The following CCDC158 variants were observed in gnomAD, a reference collection of about 807,000 sequenced individuals.
CCDC158 encodes coiled-coil domain-containing protein 158.
A neutral mutation model predicts 138.6 loss-of-function variants in CCDC158; 116 were observed. The ratio of observed to expected loss-of-function variants is 0.84; its 90% CI spans 0.72 to 0.98. CCDC158 has a LOEUF of 0.98. CCDC158 is among the 50% of genes least tolerant of loss of function. The pLI is 0.00. For missense variants in CCDC158, 1,265 were observed against 1,306.1 expected (o/e 0.97, Z 0.48); for synonymous variants, 436 against 442.4 (o/e 0.99, Z 0.18).
chr4:76,329,056 T>C (rs1408737174), intron 21 of CCDC158, 89 bp from the exon 22 acceptor site: 1 of 1,009,126 alleles, frequency 9.9e-7, no homozygotes, highest in African/African-American at 1.6e-5. Context: ...CACAGGCAAA[T>C]GTGATGGTTT....
intron 11 of CCDC158, 52 bp from the exon 12 acceptor site, chr4:76,367,828 C>A: frequency 1.3e-6 from 2 of 1,514,070 alleles, no homozygotes; most frequent in Non-Finnish European, 1.8e-6. Context: ...TAGGTATAGG[C>A]AACCTCAAGA....
In CCDC158 at chr4:76,327,496, G is replaced by T. The variant is rs529226569; in HGVS notation, c.3010+1404C>A. On this transcript the variant is annotated intron_variant, in intron 22 of 24. Transcript: ENST00000682701. Reference sequence around the variant, plus strand: ...TGCTTCTAGGCTACAAACCTGTAGAGCATGTTACTGTACTGAATACTGTAG... The same window carrying T: ...TGCTTCTAGGCTACAAACCTGTAGATCATGTTACTGTACTGAATACTGTAG... Among the ~76,000 whole-genome samples the T allele has an allele frequency of 2.0e-5, 3 of 152,250 alleles. No homozygotes were observed. The South Asian group carries it at 6.2e-4, about 32-fold the overall frequency.
chr4:76,404,722 TAAAG>T (rs1237118121), intron 2 of CCDC158, among the ~76,000 whole-genome samples: 1 of 151,604 alleles, frequency 6.6e-6, no homozygotes, highest in Non-Finnish European at 1.5e-5. Context: ...AAAAATAAAA[TAAAG>T]AAGTAAAAAG....
intron 2 of CCDC158, among the ~76,000 whole-genome samples, chr4:76,410,150 C>A (rs1257316713): frequency 6.6e-6 from 1 of 152,114 alleles, no homozygotes. Context: ...GTGGACCTCT[C>A]CTGTGACTAT....
intron 2 of CCDC158, among the ~76,000 whole-genome samples, chr4:76,406,161 G>A (rs1728808308): frequency 6.6e-6 from 1 of 152,094 alleles, no homozygotes; most frequent in Non-Finnish European, 1.5e-5. Flanking sequence ...AAAATTGCCA[G>A]GCAAATGAAA....
intron 18 of CCDC158, among the ~76,000 whole-genome samples, chr4:76,335,669 T>C (rs1721411903): frequency 6.6e-6 from 1 of 152,092 alleles, no homozygotes; most frequent in Non-Finnish European, 1.5e-5. Context: ...AACTTCCATC[T>C]CCCAGGCTCA....
chr4:76,381,302 G>A (rs1249566438), intron 8 of CCDC158, among the ~76,000 whole-genome samples: 2 of 152,262 alleles, frequency 1.3e-5, no homozygotes, highest in Non-Finnish European at 2.9e-5. Flanking sequence ...AGCAGCTGCG[G>A]AGGCTGTACA....
At chr4:76,413,499 A>C (rs1422958379) in intron 1 of CCDC158, among the ~76,000 whole-genome samples, 1 of 151,876 alleles carries the variant, frequency 6.6e-6, no homozygotes, top group Admixed American at 6.6e-5. Context: ...AAAGGAAAAG[A>C]AAAAAATGAA....
chr4:76,315,677 C>T (rs957499592), intron 24 of CCDC158, among the ~76,000 whole-genome samples: 17 of 152,190 alleles, frequency 1.1e-4, no homozygotes, highest in African/African-American at 4.1e-4. Flanking sequence ...AGCCAGGACA[C>T]TAAACATATC....
intron 1 of CCDC158, among the ~76,000 whole-genome samples, chr4:76,416,213 G>A (rs1235695329): frequency 6.6e-6 from 1 of 152,172 alleles, no homozygotes; most frequent in Non-Finnish European, 1.5e-5. Flanking sequence ...TGGGACCCAT[G>A]TGACCTTACC....
intron 3 of CCDC158, 45 bp from the exon 4 acceptor site, chr4:76,396,531 G>T (rs1231108528): frequency 2.1e-6 from 3 of 1,461,816 alleles, no homozygotes; most frequent in Non-Finnish European, 2.8e-6. Context: ...TTTTTTTTGA[G>T]AAGGAGTTTC....
chr4:76,398,255 G>C lies in CCDC158; in HGVS notation c.71-1769C>G, dbSNP rs191673008. Among the ~76,000 whole-genome samples the C allele has an allele frequency of 2.0e-5, 3 of 152,270 alleles. No individual in the cohort carries two copies. The East Asian group carries it at 5.8e-4, about 29-fold the overall frequency. On this transcript the variant is annotated intron_variant, in intron 3 of 24. Coordinates refer to ENST00000682701, the MANE Select transcript of CCDC158 (RefSeq NM_001394954.1). ...TGGATGAAGGATTATTTAGTAGCAG[G>C]ATATTCACAAGGTTTCAAAAGATAC...
At chr4:76,410,254 G>A (rs1729192105) in intron 2 of CCDC158, among the ~76,000 whole-genome samples, 1 of 152,050 alleles carries the variant, frequency 6.6e-6, no homozygotes, top group African/African-American at 2.4e-5. Context: ...GCACAATCTT[G>A]GCTCACTGCA....
At chr4:76,315,802 C>A (rs1051535668) in intron 24 of CCDC158, among the ~76,000 whole-genome samples, 1 of 152,176 alleles carries the variant, frequency 6.6e-6, no homozygotes, top group African/African-American at 2.4e-5. Context: ...GCACTCTTTG[C>A]AGAAATTTCC....
At chr4:76,394,677 A>C (rs28495428) in intron 4 of CCDC158, among the ~76,000 whole-genome samples, 4,483 of 152,128 alleles carry the variant, frequency 0.029, 220 homozygotes, top group African/African-American at 0.1. Flanking sequence ...AGAGGATGGA[A>C]ACCCAATTTT....
intron 9 of CCDC158, among the ~76,000 whole-genome samples, chr4:76,372,137 A>G (rs1725307924): frequency 6.6e-6 from 1 of 152,184 alleles, no homozygotes; most frequent in Non-Finnish European, 1.5e-5. Context: ...GACATGTTCT[A>G]TAATTTGGTA....
intron 16 of CCDC158, 189 bp from the exon 17 acceptor site, chr4:76,352,001 T>C: frequency 2.1e-6 from 1 of 487,060 alleles, no homozygotes; most frequent in Non-Finnish European, 3.6e-6. Flanking sequence ...GTTTTTATCC[T>C]CTATACCCCC....
At chr4:76,327,800 T>A (rs1720661939) in intron 22 of CCDC158, among the ~76,000 whole-genome samples, 1 of 152,188 alleles carries the variant, frequency 6.6e-6, no homozygotes, top group Admixed American at 6.5e-5. Flanking sequence ...TATTTACAAT[T>A]TACAGTCCAG....
At position 76,323,388 on chromosome 4, in the gene CCDC158, T is replaced by A; in HGVS notation, c.3191A>T (p.Glu1064Val). 1 of 1,611,766 alleles carries A rather than the reference T, an allele frequency of 6.2e-7. No homozygotes were observed. Among genetic ancestry groups the A allele is most frequent in the South Asian group, 1.1e-5 (1 of 90,378 alleles). The change falls in exon 24 of 25, where the codon GAA becomes GTA. Residue 1064 changes from glutamate (E) to valine (V), a missense_variant. Transcript: ENST00000682701. ...SVKDSQSPPI[E>V]TTGKTCRKLQ... is the part of the protein sequence containing the mutation. ...CTTCCTGCATGTTTTTCCTGTTGTT[T>A]CTATTGGCGGAGACTGTGAATCTAT...
Sources: gnomAD v4.1 joint callset for allele counts (sites outside exome capture counted in the v4.1 genomes callset) on GRCh38, gnomAD v4.1.1 for gene constraint, MANE v1.5 for transcripts, NCBI Gene and HGNC (gene_info 2026-07-23, HGNC 2026-07-21) for gene names.